The following NCF2 variants were observed in gnomAD, a reference collection of about 807,000 sequenced individuals.
NCF2 encodes neutrophil cytosolic factor 2.
A neutral mutation model predicts 70.9 loss-of-function variants in NCF2; 45 were observed. That is an observed-to-expected ratio of 0.63 (90% confidence interval 0.50 to 0.81). The LOEUF is 0.81. NCF2 is among the 40% of genes least tolerant of loss of function. NCF2 has a pLI of 0.00. For synonymous variants in NCF2, 203 were observed against 233.6 expected, an observed-to-expected ratio of 0.87 and a Z score of 1.19; for missense variants, 522 against 631.6, an observed-to-expected ratio of 0.83 and a Z score of 1.86.
At chr1:183,575,679 T>C (rs1672772032) in intron 3 of NCF2, among the ~76,000 whole-genome samples, 1 of 151,788 alleles carries the variant, frequency 6.6e-6, no homozygotes. Context: ...ATTGACACTG[T>C]CTTGCTCTTG....
chr1:183,569,599 T>A (rs768284654), intron 6 of NCF2, among the ~76,000 whole-genome samples: 12 of 152,128 alleles, frequency 7.9e-5, no homozygotes, highest in African/African-American at 1.2e-4. Flanking sequence ...TTAAAAAAAA[T>A]TTTTTTTGAG....
At chr1:183,563,147 A>T (rs1239030380) in intron 13 of NCF2, 48 bp downstream of exon 13, 9 of 1,531,000 alleles carry the variant, frequency 5.9e-6, no homozygotes. Context: ...ATTGTTGAGG[A>T]AGTGGCTCAG....
chr1:183,590,097 G>C, intron 1 of NCF2, 59 bp downstream of exon 1: 1 of 1,609,984 alleles, frequency 6.2e-7, no homozygotes. Context: ...ATGCAATGGG[G>C]TTGAGAATCA....
chr1:183,598,609 C>T, the NCF2 span, among the ~76,000 whole-genome samples: 1 of 151,732 alleles, frequency 6.6e-6, no homozygotes, highest in African/African-American at 2.4e-5. Flanking sequence ...CTAAGGACAG[C>T]ACAAAGGTCT....
At chr1:183,562,873 A>G (rs1325952605) in intron 13 of NCF2, among the ~76,000 whole-genome samples, 1 of 151,428 alleles carries the variant, frequency 6.6e-6, no homozygotes, top group Non-Finnish European at 1.5e-5. Context: ...GCCTTAAGCT[A>G]TGATATGACT....
At chr1:183,578,914 G>A (rs1210511807) in intron 2 of NCF2, among the ~76,000 whole-genome samples, 1 of 152,236 alleles carries the variant, frequency 6.6e-6, no homozygotes, top group African/African-American at 2.4e-5. Context: ...GGGCTATAGG[G>A]GGTGGGAGCA....
intron 2 of NCF2, among the ~76,000 whole-genome samples, chr1:183,581,454 T>A (rs2102921553): frequency 1.3e-5 from 2 of 151,392 alleles, no homozygotes; most frequent in South Asian, 4.2e-4. Context: ...GACAATATAG[T>A]GAGACCCCTT....
chr1:183,579,612 G>A (rs1052587988), intron 2 of NCF2, among the ~76,000 whole-genome samples: 48 of 151,778 alleles, frequency 3.2e-4, no homozygotes, highest in African/African-American at 9.9e-4. Flanking sequence ...GGTGGTGGGC[G>A]CCTGTAGTCC....
chr1:183,590,290 C>A lies in NCF2; in HGVS notation c.40G>T (p.Val14Leu), dbSNP rs763816212. 9 of 1,614,122 alleles carry A rather than the reference C, an allele frequency of 5.6e-6. No homozygotes were observed. The highest frequency in any genetic ancestry group is 7.6e-6 in the Non-Finnish European group (9 of 1,180,022). Residue 14 changes from valine (V) to leucine (L), a missense_variant, in exon 1 of 15, where the codon GTG becomes TTG. Transcript: ENST00000367535. The part of the protein sequence containing the change: ...VEAISLWNEG[V>L]LAADKKDWKG... ...CAGTCCTTCTTGTCCGCTGCCAGCA[C>A]CCCTTCATTCCAGAGGCTGATGGCC... is the stretch of plus-strand genomic sequence containing the variant.
intron 9 of NCF2, 115 bp from the exon 10 acceptor site, chr1:183,565,894 G>A (rs908512704): frequency 3.9e-5 from 40 of 1,023,022 alleles, no homozygotes; most frequent in African/African-American, 3.2e-4. Context: ...TGCAGATAAC[G>A]TCCTAAAAGT....
chr1:183,577,647 C>G lies in NCF2; in HGVS notation c.318G>C (p.Leu106=). ...GGAGCCCCAGGATCTTATAGTCTAT[C>G]AGCTGGTTCCCTCGAAGCTGAATCA... is the stretch of plus-strand genomic sequence containing the variant. ...EALIQLRGNQ[L]IDYKILGLQF... is the part of the protein sequence containing the mutation. The change falls in exon 3 of 15, where the codon CTG becomes CTC. Residue 106 remains leucine, a synonymous_variant. Coordinates refer to ENST00000367535, the MANE Select transcript of NCF2 (RefSeq NM_000433.4). The G allele has an allele frequency of 6.2e-7, 1 of 1,614,156 alleles. No homozygotes were observed. The highest frequency in any genetic ancestry group is 8.5e-7 in the Non-Finnish European group (1 of 1,179,986).
intron 13 of NCF2, among the ~76,000 whole-genome samples, chr1:183,561,259 G>A (rs985975236): frequency 5.3e-5 from 8 of 152,154 alleles, no homozygotes; most frequent in South Asian, 2.1e-4. Flanking sequence ...TGTATGTACC[G>A]AGCATTATAA....
Position 183,555,608 on chromosome 1 carries a change from A to G in NCF2, c.*510T>C, listed in dbSNP as rs886045646. 1.2e-5 allele frequency: 2 copies of G among 162,248 alleles called. No homozygotes were observed. Among genetic ancestry groups the G allele is most frequent in the African/African-American group, 4.8e-5 (2 of 41,536 alleles). The allele number at this position is 162,248 out of a possible 1,614,324, so 10.1% of individuals were successfully genotyped here. ...TTTATTTGTATATGCCTTATGAGTA[A>G]CCTATAAGGTTACTTCAAGCCTTAA... On this transcript the variant is annotated 3_prime_UTR_variant, in exon 15 of 15. Transcript: ENST00000367535.
rs1383552921 is a variant in NCF2, at chr1:183,555,888, C to T, written c.*230G>A. ...TTCCAGACACTTCCATCCACTTTTCCTCTCCCCTAACTCCTCCATTCACCT... is the reference window on the plus strand; with the variant it reads ...TTCCAGACACTTCCATCCACTTTTCTTCTCCCCTAACTCCTCCATTCACCT... On this transcript the variant is annotated 3_prime_UTR_variant, in exon 15 of 15. Transcript: ENST00000367535. The T allele has an allele frequency of 1.5e-5, 9 of 584,898 alleles. No homozygotes were observed. Among genetic ancestry groups the T allele is most frequent in the Non-Finnish European group, 2.4e-5 (8 of 327,716 alleles). The allele number at this position is 584,898 out of a possible 1,614,324, so 36.2% of individuals were successfully genotyped here.
rs1671973192 is a variant in NCF2 at position 183,560,086 on chromosome 1, T to A, written c.1468+10A>T. 6.2e-7 allele frequency: 1 copy of A among 1,613,518 alleles called. No homozygotes were observed. The highest frequency in any genetic ancestry group is 8.5e-7 in the Non-Finnish European group (1 of 1,179,586). On this transcript the variant is annotated intron_variant, in intron 14 of 14. Coordinates refer to ENST00000367535, the MANE Select transcript of NCF2 (RefSeq NM_000433.4). ...TAAATTTGTTTCTATAGTCTTGGAG[T>A]AGCACTTACCCTTTGATAACACCAG...
chr1:183,578,325 A>AG (rs1672896348), intron 2 of NCF2, among the ~76,000 whole-genome samples: 1 of 151,772 alleles, frequency 6.6e-6, no homozygotes, highest in South Asian at 2.1e-4. Flanking sequence ...AGAAAAAAAA[A>AG]CAACCACTTA....
In NCF2 at chr1:183,561,141, C is replaced by A. The variant is rs34580772; in HGVS notation, c.1291-868G>T. ...ATCTTAGACTTATGATCTTAGACTT[C>A]TTCCACATTATTGTCACTTTTGCTT... On this transcript the variant is annotated intron_variant, in intron 13 of 14. Transcript: ENST00000367535. Among the ~76,000 whole-genome samples the A allele has an allele frequency of 9.3e-3, 1,410 of 152,356 alleles. 26 individuals carry two copies. The highest frequency in any genetic ancestry group is 0.032 in the African/African-American group (1,346 of 41,572).
rs750881920 is a variant in NCF2 at position 183,585,624 on chromosome 1, C to CAAAAAAAAAAAAAAAAAAAAAAAAAAAA, written c.257+1270_257+1271insTTTTTTTTTTTTTTTTTTTTTTTTTTTT. On this transcript the variant is annotated intron_variant, in intron 2 of 14. Transcript: ENST00000367535. Reference sequence around the variant, plus strand: ...TGGGTGACAGGGCGAAACTCCGTCTCAAAAAAAAAAAAAATTCTTCATTAG... The same window carrying CAAAAAAAAAAAAAAAAAAAAAAAAAAAA: ...TGGGTGACAGGGCGAAACTCCGTCTCAAAAAAAAAAAAAAAAAAAAAAAAAAAAAAAAAAAAAAAAAATTCTTCATTAG... Among the ~76,000 whole-genome samples the CAAAAAAAAAAAAAAAAAAAAAAAAAAAA allele has an allele frequency of 1.1e-3, 130 of 114,506 alleles. 9 individuals carry two copies. Among genetic ancestry groups the CAAAAAAAAAAAAAAAAAAAAAAAAAAAA allele is most frequent in the African/African-American group, 5.5e-3 (121 of 21,962 alleles). The allele number at this position is 114,506 out of a possible 152,430, so 75.1% of individuals were successfully genotyped here. A position where few individuals can be genotyped will look rare whatever the true frequency, so the allele number is the denominator to read the frequency against.
At chr1:183,574,870 A>C (rs951695414) in intron 3 of NCF2, among the ~76,000 whole-genome samples, 9 of 152,262 alleles carry the variant, frequency 5.9e-5, no homozygotes, top group African/African-American at 2.2e-4. Context: ...ACAACGAAAT[A>C]GGTCAGGAAG....
Sources: allele counts gnomAD v4.1 joint callset (sites outside exome capture counted in the v4.1 genomes callset), GRCh38; gene constraint gnomAD v4.1.1; transcripts MANE v1.5; gene names NCBI Gene and HGNC (gene_info 2026-07-23, HGNC 2026-07-21).